The following USO1 variants were observed in gnomAD, a reference collection of about 807,000 sequenced individuals.
The protein encoded by USO1 is general vesicular transport factor p115.
In USO1, 57 loss-of-function variants were observed where a neutral mutation model predicts 124.5. That is an observed-to-expected ratio of 0.46 (90% CI 0.37 to 0.57). The LOEUF is 0.57. Among genes scored for constraint, USO1 ranks in the 20% least tolerant of loss-of-function variants. USO1 has a pLI of 0.00. For synonymous variants in USO1, 369 were observed against 362.8 expected (o/e 1.02, Z -0.19); for missense variants, 900 against 1,040.6 (o/e 0.86, Z 1.86).
At chr4:75,768,851 C>T (rs955631992) in intron 4 of USO1, among the ~76,000 whole-genome samples, 5 of 152,232 alleles carry the variant, frequency 3.3e-5, no homozygotes, top group Admixed American at 1.3e-4. Context: ...TCCACACAGA[C>T]TTCTCCACTG....
At chr4:75,744,442 C>T (rs988127024) in intron 1 of USO1, among the ~76,000 whole-genome samples, 3 of 152,160 alleles carry the variant, frequency 2.0e-5, no homozygotes, top group South Asian at 4.1e-4. Context: ...TATTTTGAGA[C>T]GGAGTCTCAC....
chr4:75,794,225 AG>A (rs1439919449), intron 13 of USO1, among the ~76,000 whole-genome samples: 1 of 152,174 alleles, frequency 6.6e-6, no homozygotes, highest in Non-Finnish European at 1.5e-5. Context: ...AACTGAATTC[AG>A]GTTAGTTTAT....
intron 1 of USO1, chr4:75,745,459 A>C (rs376395278): frequency 2.2e-6 from 1 of 450,334 alleles, no homozygotes; most frequent in Non-Finnish European, 4.4e-6. Context: ...ACTCTGACTC[A>C]TATTTCTCTA....
At chr4:75,801,888 C>T (rs759869509) in intron 17 of USO1, among the ~76,000 whole-genome samples, 3 of 152,166 alleles carry the variant, frequency 2.0e-5, no homozygotes, top group African/African-American at 2.4e-5. Context: ...GGCGCAGTCT[C>T]GGCTCACTGC....
At chr4:75,741,296 G>T (rs190303240) in intron 1 of USO1, among the ~76,000 whole-genome samples, 1 of 152,248 alleles carries the variant, frequency 6.6e-6, no homozygotes, top group African/African-American at 2.4e-5. Context: ...GAGCTTGCAG[G>T]ACCAGAAGTT....
chr4:75,808,928 T>A, intron 20 of USO1, 25 bp from the exon 21 acceptor site: 1 of 1,567,636 alleles, frequency 6.4e-7, no homozygotes, highest in Non-Finnish European at 8.6e-7. Flanking sequence ...TTTAATGTTA[T>A]GACTCAACTA....
At chr4:75,745,231 T>C (rs1046863451) in intron 1 of USO1, 1 of 421,350 alleles carries the variant, frequency 2.4e-6, no homozygotes, top group Admixed American at 3.2e-5. Flanking sequence ...TATATAGTAC[T>C]GATATTTTTC....
intron 1 of USO1, among the ~76,000 whole-genome samples, chr4:75,743,036 G>A (rs1163010305): frequency 2.7e-5 from 4 of 149,934 alleles, no homozygotes; most frequent in Non-Finnish European, 4.4e-5. Context: ...CCAGGCTGGA[G>A]TGCAGTGGCA....
At chr4:75,765,740 G>A (rs926426811) in intron 4 of USO1, among the ~76,000 whole-genome samples, 3 of 151,808 alleles carry the variant, frequency 2.0e-5, no homozygotes, top group South Asian at 2.1e-4. Context: ...AAGTAATTAG[G>A]ACACAATTTT....
At chr4:75,798,641 A>AT (rs1335589973) in intron 13 of USO1, among the ~76,000 whole-genome samples, 1 of 152,222 alleles carries the variant, frequency 6.6e-6, no homozygotes, top group Non-Finnish European at 1.5e-5. Flanking sequence ...GAGTCAAGAT[A>AT]TTGGCATCAA....
intron 8 of USO1, among the ~76,000 whole-genome samples, chr4:75,782,415 T>C (rs1722245707): frequency 6.6e-6 from 1 of 152,102 alleles, no homozygotes; most frequent in Non-Finnish European, 1.5e-5. Context: ...CCTGAAGAAA[T>C]GATGTTTAAG....
chr4:75,809,806 C>T (rs1389393997), intron 21 of USO1, among the ~76,000 whole-genome samples: 2 of 152,166 alleles, frequency 1.3e-5, no homozygotes, highest in Admixed American at 1.3e-4. Flanking sequence ...ACTTAATGTC[C>T]ATATCTCTAG....
chr4:75,745,212 T>TAA (rs1553897622), intron 1 of USO1: 1 of 293,620 alleles, frequency 3.4e-6, no homozygotes, highest in Non-Finnish European at 6.6e-6. Context: ...TCTTTCTTTT[T>TAA]TATATATATA....
chr4:75,807,808 A>G (rs962927752), intron 20 of USO1, among the ~76,000 whole-genome samples: 9 of 152,142 alleles, frequency 5.9e-5, no homozygotes, highest in Admixed American at 2.6e-4. Flanking sequence ...CTTTAATTAG[A>G]TATTTTTATA....
intron 1 of USO1, among the ~76,000 whole-genome samples, chr4:75,744,176 A>G (rs1721055011): frequency 6.6e-6 from 1 of 152,170 alleles, no homozygotes; most frequent in Non-Finnish European, 1.5e-5. Flanking sequence ...TTAGTTTATT[A>G]TAAACCACTG....
intron 1 of USO1, chr4:75,744,778 A>G: frequency 1.0e-5 from 3 of 288,818 alleles, no homozygotes; most frequent in South Asian, 8.6e-5. Context: ...TGTTTAAATA[A>G]ATGCTGTGTA....
chr4:75,806,354 T>C (rs1049869199), intron 19 of USO1, 132 bp from the exon 20 acceptor site: 1 of 1,134,214 alleles, frequency 8.8e-7, no homozygotes, highest in African/African-American at 1.6e-5. Flanking sequence ...ATCTTGGGCA[T>C]AAAAATTAAA....
chr4:75,786,267 T>G (rs1560453851), intron 9 of USO1, among the ~76,000 whole-genome samples: 1 of 152,306 alleles, frequency 6.6e-6, no homozygotes, highest in Admixed American at 6.5e-5. Context: ...TTTACTCTCT[T>G]AAATCATTGA....
intron 8 of USO1, 24 bp from the exon 9 acceptor site, chr4:75,782,656 T>C (rs1722252045): frequency 2.0e-6 from 3 of 1,528,612 alleles, no homozygotes; most frequent in Non-Finnish European, 2.6e-6. Flanking sequence ...GCCTTAACGC[T>C]TGTGTTTTAC....
Sources: gnomAD v4.1 joint callset for allele counts (sites outside exome capture counted in the v4.1 genomes callset) on GRCh38, gnomAD v4.1.1 for gene constraint, MANE v1.5 for transcripts, NCBI Gene and HGNC (gene_info 2026-07-23, HGNC 2026-07-21) for gene names.